STK25: variants seen among roughly 807,000 people sequenced by gnomAD.
STK25 encodes the protein serine/threonine kinase 25.
In STK25, 29 loss-of-function variants were observed where a neutral mutation model predicts 53.8. The ratio of observed to expected loss-of-function variants is 0.54; its 90% CI spans 0.40 to 0.74. The LOEUF (loss-of-function observed/expected upper bound fraction) is 0.74. Among genes scored for constraint, STK25 ranks in the 30% least tolerant of loss-of-function variants. The pLI is 0.00. For missense variants in STK25, 420 were observed against 568.0 expected (o/e 0.74, Z 2.65); for synonymous variants, 247 against 238.3 (o/e 1.04, Z -0.33).
intron 2 of STK25, among the ~76,000 whole-genome samples, chr2:241,504,985 C>T (rs1299490922): frequency 3.3e-5 from 5 of 151,436 alleles, no homozygotes; most frequent in African/African-American, 9.7e-5. Context: ...GGCGTGATCT[C>T]GGCTCACTGC....
intron 2 of STK25, chr2:241,503,939 C>A: frequency 2.2e-6 from 1 of 451,958 alleles, no homozygotes. Context: ...CTGGACATCG[C>A]ACCAGCCTGA....
Position 241,493,630 on chromosome 2 carries a change from T to C in STK25, c.*2032A>G. On this transcript the variant is annotated 3_prime_UTR_variant, in exon 12 of 12. Transcript: ENST00000316586. ...TTTTTTTGGAGATGGCGTCTCCCTC[T>C]GTCACTCAGGCTGGAGTGCAGTGAT... 3.3e-6 allele frequency: 2 copies of C among 597,758 alleles called. No homozygotes were observed. Among genetic ancestry groups the C allele is most frequent in the East Asian group, 2.8e-5 (1 of 35,426 alleles). The allele number at this position is 597,758 out of a possible 1,614,324, so 37.0% of individuals were successfully genotyped here.
chr2:241,507,881 A>T, intron 2 of STK25, 125 bp downstream of exon 2: 1 of 1,010,080 alleles, frequency 9.9e-7, no homozygotes, highest in Non-Finnish European at 1.5e-6. Flanking sequence ...CGCTGGTCGC[A>T]CGACGCGCGC....
At chr2:241,504,827 C>A (rs1157745276) in intron 2 of STK25, among the ~76,000 whole-genome samples, 1 of 152,146 alleles carries the variant, frequency 6.6e-6, no homozygotes, top group Non-Finnish European at 1.5e-5. Flanking sequence ...TTCCTCCTCC[C>A]TGTTTGCTCC....
rs2065249948 is a variant in STK25 at position 241,497,611 on chromosome 2, C to T, written c.1104+5G>A. On this transcript the variant is annotated splice_donor_5th_base_variant and intron_variant, in intron 10 of 11. Coordinates refer to ENST00000316586, the MANE Select transcript of STK25 (RefSeq NM_001271977.2). ...CTCCAGGCCCAGTCCCAGCCCCATCCTCACCTCTCCGAAGACGGGCCGGAC... is the reference window on the plus strand; with the variant it reads ...CTCCAGGCCCAGTCCCAGCCCCATCTTCACCTCTCCGAAGACGGGCCGGAC... 3 of 1,613,244 alleles carry T rather than the reference C, an allele frequency of 1.9e-6. No individual in the cohort carries two copies. Among genetic ancestry groups the T allele is most frequent in the Admixed American group, 1.7e-5 (1 of 60,002 alleles).
rs2065196308 is a variant in STK25, at chr2:241,496,810, G to A, written c.1105-276C>T. On this transcript the variant is annotated intron_variant, in intron 10 of 11. Transcript: ENST00000316586. This position sits in a 1 kb window ranked among gnomAD's most constrained non-coding sequence, Gnocchi z 5.8. ...TCGGTTCTCAGGAGGGGACCAGATG[G>A]CTTCCTCCCAGCCGAGGGTCATGGA... 6.6e-6 allele frequency among the ~76,000 whole-genome samples: 1 copy of A among 152,120 alleles called. No individual in the cohort carries two copies. Among genetic ancestry groups the A allele is most frequent in the African/African-American group, 2.4e-5 (1 of 41,424 alleles).
At position 241,498,289 on chromosome 2, in the gene STK25, C is replaced by T; in HGVS notation, c.978G>A (p.Arg326=). The part of the protein sequence containing the change: ...GPIWTFPPTI[R]PSPHSKLHKG... ...TGTGAAGCTTGCTGTGTGGACTCGG[C>T]CGGATGGTAGGGGGGAACGTCCAGA... Residue 326 remains arginine (R), a synonymous_variant, in exon 9 of 12, where the codon CGG becomes CGA. Transcript: ENST00000316586. 1 of 1,605,462 alleles carries T rather than the reference C, an allele frequency of 6.2e-7. No homozygotes were observed. Among genetic ancestry groups the T allele is most frequent in the South Asian group, 1.1e-5 (1 of 90,326 alleles).
In STK25 at chr2:241,498,776, C is replaced by T. The variant is rs368859466; in HGVS notation, c.780G>A (p.Thr260=). 3.6e-5 allele frequency: 58 copies of T among 1,613,858 alleles called. No homozygotes were observed. Among genetic ancestry groups the T allele is most frequent in the East Asian group, 2.0e-4 (9 of 44,890 alleles). The change falls in exon 8 of 12, where the codon ACG becomes ACA. Residue 260 remains threonine, a synonymous_variant. Transcript: ENST00000316586. ...CLNKDPRFRP[T]AKELLKHKFI... ...ACTTGTGCTTCAGGAGCTCCTTGGC[C>T]GTGGGCCGCTGCAGGGGGTCAGGGG...
At chr2:241,502,307 C>T (rs753706872) in intron 2 of STK25, among the ~76,000 whole-genome samples, 44 of 152,314 alleles carry the variant, frequency 2.9e-4, no homozygotes, top group African/African-American at 9.6e-4. Context: ...GGTGATGACA[C>T]GGCATGAAGG....
intron 8 of STK25, 143 bp downstream of exon 8, chr2:241,498,496 C>T: frequency 7.8e-7 from 1 of 1,277,250 alleles, no homozygotes; most frequent in South Asian, 1.4e-5. Context: ...CTCAGCAGGC[C>T]CTGTCCTGCA....
Position 241,501,778 on chromosome 2 carries a change from G to T in STK25, c.31-70C>A. 1 of 1,238,034 alleles carries T rather than the reference G, an allele frequency of 8.1e-7. No homozygotes were observed. Among genetic ancestry groups the T allele is most frequent in the Non-Finnish European group, 1.2e-6 (1 of 863,692 alleles). 76.7% of individuals were successfully genotyped at this position (1,238,034 alleles called of 1,614,324 possible). ...AAGAGGCGGGGGACAGGCAGAGGCT[G>T]CCCTGCTGGGGAGGAAGGGACCTGT... On this transcript the variant is annotated intron_variant, in intron 2 of 11. Coordinates refer to ENST00000316586, the MANE Select transcript of STK25 (RefSeq NM_001271977.2). This position sits in a 1 kb window ranked among gnomAD's most constrained non-coding sequence, Gnocchi z 5.3.
intron 2 of STK25, chr2:241,502,028 G>T: frequency 3.4e-6 from 1 of 291,054 alleles, no homozygotes; most frequent in Non-Finnish European, 6.7e-6. Context: ...TCTGGGCGTG[G>T]CGGCTCATGC....
Position 241,500,165 on chromosome 2 carries a change from A to C in STK25, c.427+8T>G. 6.2e-7 allele frequency: 1 copy of C among 1,611,916 alleles called. No homozygotes were observed. The highest frequency in any genetic ancestry group is 8.5e-7 in the Non-Finnish European group (1 of 1,178,272). Reference sequence around the variant, plus strand: ...CGTTACAAGAGCCACATCCACCCCCAGCAGGACCTTTGATGTCTCGGTGGA... The same window carrying C: ...CGTTACAAGAGCCACATCCACCCCCCGCAGGACCTTTGATGTCTCGGTGGA... On this transcript the variant is annotated splice_region_variant and intron_variant, in intron 5 of 11. Coordinates refer to ENST00000316586, the MANE Select transcript of STK25 (RefSeq NM_001271977.2).
rs986870170 is a variant in STK25, at chr2:241,492,810, G to A, written c.*2852C>T. ...AGCTGCTGTTCATAGCAGTCCAGAG[G>A]TAAAACCAAGGCCTCAGCTGGAGAA... is the stretch of plus-strand genomic sequence containing the variant. On this transcript the variant is annotated 3_prime_UTR_variant, in exon 12 of 12. Coordinates refer to ENST00000316586, the MANE Select transcript of STK25 (RefSeq NM_001271977.2). The A allele has an allele frequency of 7.7e-6, 5 of 653,038 alleles. No individual in the cohort carries two copies. In the African/African-American group the frequency reaches 9.1e-5, roughly 12 times the overall value. The allele number at this position is 653,038 out of a possible 1,614,324, so 40.5% of individuals were successfully genotyped here. A position where few individuals can be genotyped will look rare whatever the true frequency, so the allele number is the denominator to read the frequency against.
At position 241,501,426 on chromosome 2, in the gene STK25, A is replaced by C. The variant is rs2065504858; in HGVS notation, c.261+52T>G. The C allele has an allele frequency of 1.3e-6, 2 of 1,560,012 alleles. No individual in the cohort carries two copies. Among genetic ancestry groups the C allele is most frequent in the Admixed American group, 1.8e-5 (1 of 56,990 alleles). On this transcript the variant is annotated intron_variant, in intron 3 of 11. Transcript: ENST00000316586. The surrounding 1 kb of genome is among the most constrained non-coding windows in gnomAD (Gnocchi z 5.3). ...ATGTCACTCAGTCCCTCTGACATGG[A>C]AGAGAGCCGGGCACAGCACCAGCAG...
chr2:241,496,899 C>T lies in STK25; in HGVS notation c.1105-365G>A, dbSNP rs1483987309. ...GCCCAGAAACCCCCAAAGCACACGG[C>T]ACCGCCAGGCCCAGATCTGACCTCC... is the stretch of plus-strand genomic sequence containing the variant. On this transcript the variant is annotated intron_variant, in intron 10 of 11. Transcript: ENST00000316586. This position sits in a 1 kb window ranked among gnomAD's most constrained non-coding sequence, Gnocchi z 5.8. Among the ~76,000 whole-genome samples the T allele has an allele frequency of 6.6e-6, 1 of 152,224 alleles. No individual in the cohort carries two copies. Among genetic ancestry groups the T allele is most frequent in the African/African-American group, 2.4e-5 (1 of 41,460 alleles).
At chr2:241,507,026 C>A (rs1000677131) in intron 2 of STK25, among the ~76,000 whole-genome samples, 1 of 152,200 alleles carries the variant, frequency 6.6e-6, no homozygotes, top group African/African-American at 2.4e-5. Context: ...CCTGCCCCTA[C>A]GCGAACAGAC....
In STK25 at chr2:241,494,141, GGT is replaced by G; in HGVS notation, c.*1519_*1520del. On this transcript the variant is annotated 3_prime_UTR_variant, in exon 12 of 12. Coordinates refer to ENST00000316586, the MANE Select transcript of STK25 (RefSeq NM_001271977.2). The surrounding 1 kb of genome is among the most constrained non-coding windows in gnomAD (Gnocchi z 4.9). The stretch of plus-strand genomic sequence containing the variant: ...GGAGGAATGACGCTCAACCTGCCCA[GGT>G]TTGGACACAACTACAAAGAACAGCA... The G allele has an allele frequency of 7.0e-7, 1 of 1,423,550 alleles. No homozygotes were observed. The allele number at this position is 1,423,550 out of a possible 1,614,324, so 88.2% of individuals were successfully genotyped here. A position where few individuals can be genotyped will look rare whatever the true frequency, so the allele number is the denominator to read the frequency against.
At position 241,501,663 on chromosome 2, in the gene STK25, T is replaced by C. The variant is rs199874985; in HGVS notation, c.76A>G (p.Ile26Val). ...PEELFTKLDR[I>V]GKGSFGEVYK... ...ACCTCCCCAAACGAGCCCTTGCCAA[T>C]GCGGTCGAGCTTGGTGAAGAGCTCC... The change falls in exon 3 of 12, where the codon ATT (isoleucine) becomes GTT (valine). Residue 26 changes from isoleucine to valine, a missense_variant. Physicochemically the swap from Ile to Val is conservative, Grantham distance 29. Transcript: ENST00000316586. The surrounding 1 kb of genome is among the most constrained non-coding windows in gnomAD (Gnocchi z 5.3). 1 of 1,613,944 alleles carries C rather than the reference T, an allele frequency of 6.2e-7. No individual in the cohort carries two copies. The highest frequency in any genetic ancestry group is 1.1e-5 in the South Asian group (1 of 91,076).
Sources: allele counts gnomAD v4.1 joint callset (sites outside exome capture counted in the v4.1 genomes callset), GRCh38; gene constraint gnomAD v4.1.1; non-coding constraint Gnocchi (gnomAD v3.1); transcripts MANE v1.5; gene names NCBI Gene and HGNC (gene_info 2026-07-23, HGNC 2026-07-21).